CUL1: variants seen among roughly 807,000 people sequenced by gnomAD.
CUL1 encodes cullin-1.
A neutral mutation model predicts 118.0 loss-of-function variants in CUL1; 24 were observed. The observed-to-expected ratio is 0.20, with a 90% CI of 0.15 to 0.29. The LOEUF (loss-of-function observed/expected upper bound fraction) is 0.29, where lower values mean the gene tolerates loss of function less well. Among genes scored for constraint, CUL1 ranks in the 10% least tolerant of loss-of-function variants. The pLI is 1.00. For synonymous variants in CUL1, 332 were observed against 340.4 expected (o/e 0.98, Z 0.27); for missense variants, 361 against 933.8 (o/e 0.39, Z 7.99).
chr7:148,760,205 A>T, intron 6 of CUL1, 128 bp from the exon 7 acceptor site: 1 of 659,010 alleles, frequency 1.5e-6, no homozygotes, highest in Non-Finnish European at 2.4e-6. Context: ...AGTAAGAGTT[A>T]CTTATGTCCT....
chr7:148,706,102 G>A (rs243542), intron 1 of CUL1, among the ~76,000 whole-genome samples: 67,766 of 151,966 alleles, frequency 0.45, 16,025 homozygotes, highest in African/African-American at 0.61. Flanking sequence ...CAAGGGGAAA[G>A]TAAAATTACC....
chr7:148,722,929 A>G (rs1798441016), intron 1 of CUL1, among the ~76,000 whole-genome samples: 3 of 152,218 alleles, frequency 2.0e-5, no homozygotes, highest in African/African-American at 7.2e-5. Flanking sequence ...TGCCCTTTGC[A>G]GCCTTCTTAC....
At chr7:148,796,225 T>G (rs1463301291) in intron 17 of CUL1, among the ~76,000 whole-genome samples, 3 of 152,224 alleles carry the variant, frequency 2.0e-5, no homozygotes, top group Non-Finnish European at 4.4e-5. Context: ...TCAAAATGCT[T>G]TTTCTACTCT....
chr7:148,762,953 C>T (rs1022263270), intron 7 of CUL1, among the ~76,000 whole-genome samples: 1 of 152,164 alleles, frequency 6.6e-6, no homozygotes, highest in Non-Finnish European at 1.5e-5. Context: ...TCGAGACCAG[C>T]CTGGCCAGCA....
intron 2 of CUL1, among the ~76,000 whole-genome samples, chr7:148,742,423 C>T (rs924016508): frequency 3.9e-5 from 6 of 152,134 alleles, no homozygotes; most frequent in African/African-American, 7.2e-5. Context: ...TTCACTACCA[C>T]GAGAACACTA....
intron 2 of CUL1, among the ~76,000 whole-genome samples, chr7:148,743,351 C>A (rs1198720767): frequency 6.6e-6 from 1 of 152,192 alleles, no homozygotes; most frequent in Non-Finnish European, 1.5e-5. Flanking sequence ...CTGTTGGTAG[C>A]TTGCATCTGC....
At chr7:148,778,462 T>G (rs1800496828) in intron 9 of CUL1, among the ~76,000 whole-genome samples, 1 of 152,166 alleles carries the variant, frequency 6.6e-6, no homozygotes, top group South Asian at 2.1e-4. Context: ...CTCTCTATGG[T>G]TTTATTTCTG....
At chr7:148,737,790 G>A (rs1252148021) in intron 2 of CUL1, among the ~76,000 whole-genome samples, 1 of 151,580 alleles carries the variant, frequency 6.6e-6, no homozygotes, top group Non-Finnish European at 1.5e-5. Flanking sequence ...TAGTAGATAC[G>A]GGGTTTCATG....
chr7:148,718,497 C>A (rs1798288706), intron 1 of CUL1, among the ~76,000 whole-genome samples: 1 of 152,160 alleles, frequency 6.6e-6, no homozygotes, highest in Non-Finnish European at 1.5e-5. Flanking sequence ...TGTTTTGCAT[C>A]TGGCATTCAT....
intron 2 of CUL1, among the ~76,000 whole-genome samples, chr7:148,751,700 A>G (rs958867617): frequency 6.6e-6 from 1 of 152,224 alleles, no homozygotes; most frequent in African/African-American, 2.4e-5. Flanking sequence ...TCCACCACCA[A>G]GAGAGTTGAT....
At chr7:148,779,479 G>T (rs1800536482) in intron 9 of CUL1, among the ~76,000 whole-genome samples, 1 of 152,206 alleles carries the variant, frequency 6.6e-6, no homozygotes, top group African/African-American at 2.4e-5. Flanking sequence ...GTTAGAGCTA[G>T]CTAGGCAAAG....
At chr7:148,737,717 C>T (rs1267623566) in intron 2 of CUL1, among the ~76,000 whole-genome samples, 4 of 151,894 alleles carry the variant, frequency 2.6e-5, no homozygotes, top group African/African-American at 4.8e-5. Flanking sequence ...TCTCATACCT[C>T]AGCCTCCCGA....
At chr7:148,704,746 A>G (rs1797830129) in intron 1 of CUL1, among the ~76,000 whole-genome samples, 1 of 152,234 alleles carries the variant, frequency 6.6e-6, no homozygotes. Context: ...AAAAGATGAA[A>G]ACCAGAATGT....
At chr7:148,709,533 T>A (rs1220040762) in intron 1 of CUL1, among the ~76,000 whole-genome samples, 1 of 152,230 alleles carries the variant, frequency 6.6e-6, no homozygotes, top group Non-Finnish European at 1.5e-5. Context: ...ATATTAACTA[T>A]GTTTTCAACT....
At position 148,800,980 on chromosome 7, in the gene CUL1, AGT is replaced by A. The variant is rs369087214; in HGVS notation, c.*403_*404del. On this transcript the variant is annotated 3_prime_UTR_variant, in exon 22 of 22. Transcript: ENST00000325222. This position sits in a 1 kb window ranked among gnomAD's most constrained non-coding sequence, Gnocchi z 4.6. ...AACCTGCTATGAAAACCATTTGTAT[AGT>A]GTGTTTCATTTTTTAATGTGTGAAA... The A allele has an allele frequency of 6.3e-6, 1 of 158,258 alleles. No individual in the cohort carries two copies. The highest frequency in any genetic ancestry group is 2.4e-5 in the African/African-American group (1 of 41,650). The allele number at this position is 158,258 out of a possible 1,614,324, so 9.8% of individuals were successfully genotyped here. A position where few individuals can be genotyped will look rare whatever the true frequency, so the allele number is the denominator to read the frequency against.
intron 2 of CUL1, among the ~76,000 whole-genome samples, chr7:148,749,237 A>G (rs1318628699): frequency 6.6e-6 from 1 of 151,616 alleles, no homozygotes; most frequent in Non-Finnish European, 1.5e-5. Flanking sequence ...ACCAACATGG[A>G]GAAACCCCGT....
At chr7:148,698,005 A>T (rs1249616107), upstream of CUL1, 1 of 152,272 alleles carries the variant, frequency 6.6e-6, no homozygotes, top group Non-Finnish European at 1.5e-5. Flanking sequence ...GATAGAGTGA[A>T]TGTCAAAATT....
chr7:148,732,677 G>A (rs528238475), intron 2 of CUL1, among the ~76,000 whole-genome samples: 108 of 152,138 alleles, frequency 7.1e-4, no homozygotes, highest in African/African-American at 2.4e-3. Flanking sequence ...AAATCAGGTT[G>A]GTCCTTTTTC....
intron 1 of CUL1, among the ~76,000 whole-genome samples, chr7:148,728,660 G>A (rs938329229): frequency 2.6e-5 from 4 of 152,162 alleles, no homozygotes; most frequent in Admixed American, 6.5e-5. Context: ...ATACCAATTC[G>A]AATGTAAGAC....
Sources: gnomAD v4.1 joint callset for allele counts (sites outside exome capture counted in the v4.1 genomes callset) on GRCh38, gnomAD v4.1.1 for gene constraint, Gnocchi (gnomAD v3.1) non-coding constraint, MANE v1.5 for transcripts, NCBI Gene and HGNC (gene_info 2026-07-23, HGNC 2026-07-21) for gene names.